Variants in ITGA2 observed in about 807,000 individuals in gnomAD.
ITGA2 encodes integrin alpha-2.
A neutral mutation model predicts 146.3 loss-of-function variants in ITGA2; 101 were observed. The observed-to-expected ratio is 0.69, with a 90% CI of 0.59 to 0.81. The LOEUF is 0.81. Among genes scored for constraint, ITGA2 ranks in the 40% least tolerant of loss-of-function variants. ITGA2 has a pLI of 0.00. For synonymous variants in ITGA2, 477 were observed against 487.1 expected (o/e 0.98, Z 0.27); for missense variants, 1,281 against 1,402.7 (o/e 0.91, Z 1.39).
intron 2 of ITGA2, among the ~76,000 whole-genome samples, chr5:53,033,155 G>C (rs1434093222): frequency 1.3e-5 from 2 of 152,096 alleles, no homozygotes; most frequent in Non-Finnish European, 2.9e-5. Context: ...TGTAATCCCA[G>C]CTCCTTGGGA....
chr5:53,070,234 T>A lies in ITGA2; in HGVS notation c.2209T>A (p.Cys737Ser), dbSNP rs1170239266. 3 of 1,611,918 alleles carry A rather than the reference T, an allele frequency of 1.9e-6. No homozygotes were observed. The highest frequency in any genetic ancestry group is 2.5e-6 in the Non-Finnish European group (3 of 1,178,612). Residue 737 changes from cysteine (C) to serine (S), a missense_variant, in exon 17 of 30, where the codon TGC (cysteine) becomes AGC (serine). Coordinates refer to ENST00000296585, the MANE Select transcript of ITGA2 (RefSeq NM_002203.4). Reference sequence around the variant, plus strand: ...TATGGTAGTAAATCAAGCACAGAGTTGCCCCGAGCACATCATTTATATACA... The same window carrying A: ...TATGGTAGTAAATCAAGCACAGAGTAGCCCCGAGCACATCATTTATATACA... ...KNMVVNQAQSCPEHIIYIQEP... is the reference protein window; with the variant it reads ...KNMVVNQAQSSPEHIIYIQEP...
In ITGA2 at chr5:53,073,306, T is replaced by A. The variant is rs779403016; in HGVS notation, c.2571+47T>A. On this transcript the variant is annotated intron_variant, in intron 20 of 29. Coordinates refer to ENST00000296585, the MANE Select transcript of ITGA2 (RefSeq NM_002203.4). ...TTACTTCCACCATGCTTCCTACTTA[T>A]AGATCACTGTCTTCTCTATGTCCTC... 4 of 1,593,052 alleles carry A rather than the reference T, an allele frequency of 2.5e-6. No individual in the cohort carries two copies. In the Admixed American group the frequency reaches 6.7e-5, roughly 27 times the overall value.
chr5:53,053,172 A>G (rs774609374), intron 7 of ITGA2, among the ~76,000 whole-genome samples: 17 of 151,884 alleles, frequency 1.1e-4, no homozygotes, highest in Non-Finnish European at 1.9e-4. Flanking sequence ...TGTCATTTCT[A>G]TTTCTGCATT....
chr5:53,038,682 A>G (rs1743621813), intron 2 of ITGA2, among the ~76,000 whole-genome samples: 1 of 152,176 alleles, frequency 6.6e-6, no homozygotes, highest in African/African-American at 2.4e-5. Context: ...CCTAAGCGTT[A>G]AGAACCTGGG....
intron 20 of ITGA2, among the ~76,000 whole-genome samples, chr5:53,073,944 TAAA>T (rs376587596): frequency 5.6e-4 from 38 of 67,810 alleles, no homozygotes; most frequent in Middle Eastern, 8.1e-3. Context: ...TGAAGAAAAC[TAAA>T]AAAAAAAAAA....
chr5:53,065,952 G>A lies in ITGA2; in HGVS notation c.1918G>A (p.Ala640Thr), dbSNP rs1745129439. 1 of 1,611,940 alleles carries A rather than the reference G, an allele frequency of 6.2e-7. No individual in the cohort carries two copies. The highest frequency in any genetic ancestry group is 1.1e-5 in the South Asian group (1 of 91,062). ...GDSITDVSIG[A>T]FGQVVQLWSQ... Reference sequence around the variant, plus strand: ...TTCCATCACCGATGTGTCTATTGGTGCCTTTGGACAAGTGGTTCAACTCTG... The same window carrying A: ...TTCCATCACCGATGTGTCTATTGGTACCTTTGGACAAGTGGTTCAACTCTG... The change falls in exon 15 of 30, where the codon GCC becomes ACC. Residue 640 changes from alanine (A) to threonine (T), a missense_variant. By Grantham distance (58) the Ala-to-Thr change is moderately conservative (BLOSUM62 0). This residue lies in a region of ITGA2 where 795 missense variants were observed against 841.7 expected (regional missense o/e 0.94). Coordinates refer to ENST00000296585, the MANE Select transcript of ITGA2 (RefSeq NM_002203.4).
intron 1 of ITGA2, among the ~76,000 whole-genome samples, chr5:53,000,918 T>C (rs1447542125): frequency 4.8e-4 from 68 of 142,272 alleles, no homozygotes; most frequent in Admixed American, 8.1e-4. Flanking sequence ...TTTTTTTTTT[T>C]CTTGATGAAG....
intron 2 of ITGA2, among the ~76,000 whole-genome samples, chr5:53,033,607 A>T (rs28413530): frequency 0.094 from 14,290 of 151,708 alleles, 1,275 homozygotes; most frequent in African/African-American, 0.24. Flanking sequence ...TTAATTAATT[A>T]ATTAATTTGA....
At chr5:53,008,632 G>T (rs1741973317) in intron 1 of ITGA2, among the ~76,000 whole-genome samples, 1 of 75,420 alleles carries the variant, frequency 1.3e-5, no homozygotes, top group African/African-American at 3.8e-5. Flanking sequence ...ATCGCCAGAT[G>T]TCAGCTAGAG....
At chr5:53,010,952 G>A (rs566384268) in intron 1 of ITGA2, among the ~76,000 whole-genome samples, 11 of 152,076 alleles carry the variant, frequency 7.2e-5, no homozygotes, top group Non-Finnish European at 1.5e-4. Context: ...GGGAGGAGGA[G>A]ATGTGACCAC....
intron 26 of ITGA2, 35 bp downstream of exon 26, chr5:53,081,731 T>C (rs1433233721): frequency 1.5e-6 from 2 of 1,358,442 alleles, no homozygotes; most frequent in African/African-American, 2.9e-5. Context: ...GCTCCCCTCA[T>C]TCATTTATTT....
intron 1 of ITGA2, among the ~76,000 whole-genome samples, chr5:53,010,513 A>T (rs1742071705): frequency 6.6e-6 from 1 of 152,178 alleles, no homozygotes; most frequent in Non-Finnish European, 1.5e-5. Flanking sequence ...CCTATTTTCT[A>T]GGCTCACAGG....
At position 53,075,283 on chromosome 5, in the gene ITGA2, A is replaced by G; in HGVS notation, c.2804A>G (p.Asp935Gly). 1 of 1,612,680 alleles carries G rather than the reference A, an allele frequency of 6.2e-7. No individual in the cohort carries two copies. The change falls in exon 23 of 30, where the codon GAT (aspartate) becomes GGT (glycine). Residue 935 changes from aspartate to glycine, a missense_variant. Asp to Gly is a moderately conservative substitution (Grantham distance 94). Around this residue, in one of 3 missense-constraint regions of ITGA2, gnomAD observed 475 missense variants for 530.5 expected, o/e 0.90. Coordinates refer to ENST00000296585, the MANE Select transcript of ITGA2 (RefSeq NM_002203.4). ...LVNLKIPLLY[D>G]AEIHLTRSTN... ...AACCTCAAAATTCCTCTCCTGTATGATGCTGAAATTCACTTAACAAGGTAG... is the reference window on the plus strand; with the variant it reads ...AACCTCAAAATTCCTCTCCTGTATGGTGCTGAAATTCACTTAACAAGGTAG...
At chr5:53,008,640 G>C (rs1741973908) in intron 1 of ITGA2, among the ~76,000 whole-genome samples, 2 of 53,342 alleles carry the variant, frequency 3.7e-5, no homozygotes, top group South Asian at 7.6e-4. Context: ...ATGTCAGCTA[G>C]AGTCTCTCTC....
At chr5:53,014,972 T>A (rs1031173844) in intron 1 of ITGA2, among the ~76,000 whole-genome samples, 1 of 152,132 alleles carries the variant, frequency 6.6e-6, no homozygotes, top group Non-Finnish European at 1.5e-5. Context: ...TTGTGTCTAT[T>A]TTAATTGCCT....
chr5:53,016,521 G>C (rs2897456), intron 1 of ITGA2, among the ~76,000 whole-genome samples: 1 of 152,006 alleles, frequency 6.6e-6, no homozygotes, highest in Admixed American at 6.6e-5. Context: ...TTTAACATTT[G>C]TTCTCTATTT....
intron 1 of ITGA2, among the ~76,000 whole-genome samples, chr5:53,009,230 TA>T (rs1742004034): frequency 6.6e-6 from 1 of 152,168 alleles, no homozygotes; most frequent in African/African-American, 2.4e-5. Context: ...ATACCCATTG[TA>T]TTAAGTTGAA....
intron 13 of ITGA2, 48 bp from the exon 14 acceptor site, chr5:53,064,864 C>G (rs765566400): frequency 6.4e-7 from 1 of 1,558,182 alleles, no homozygotes; most frequent in Admixed American, 1.7e-5. Context: ...TTTAATTATA[C>G]AAGTTGTAAG....
intron 1 of ITGA2, among the ~76,000 whole-genome samples, chr5:53,012,104 G>C (rs1013397790): frequency 2.0e-5 from 3 of 152,116 alleles, no homozygotes; most frequent in African/African-American, 7.2e-5. Context: ...CTTTCATTCT[G>C]CACCACAGAC....
Sources: gnomAD v4.1 joint callset for allele counts (sites outside exome capture counted in the v4.1 genomes callset) on GRCh38, gnomAD v4.1.1 for gene constraint, gnomAD v4.1.1 regional missense constraint, MANE v1.5 for transcripts, NCBI Gene and HGNC (gene_info 2026-07-23, HGNC 2026-07-21) for gene names.